Variants in EPC2 observed in about 807,000 individuals in gnomAD.
EPC2 encodes the protein enhancer of polycomb 2.
A neutral mutation model predicts 92.1 loss-of-function variants in EPC2; 14 were observed. The ratio of observed to expected loss-of-function variants is 0.15; its 90% CI spans 0.10 to 0.24. EPC2 has a LOEUF of 0.24. Among genes scored for constraint, EPC2 ranks in the 10% least tolerant of loss-of-function variants. The probability of loss-of-function intolerance (pLI) is 1.00; values close to 1 mark genes in which losing one functional copy is unlikely to be tolerated. For missense variants in EPC2, 755 were observed against 971.5 expected (o/e 0.78, Z 2.96); for synonymous variants, 340 against 334.7 (o/e 1.02, Z -0.17).
intron 1 of EPC2, among the ~76,000 whole-genome samples, chr2:148,647,843 A>G (rs953473395): frequency 5.3e-5 from 8 of 149,612 alleles, no homozygotes; most frequent in African/African-American, 1.5e-4. Flanking sequence ...GTGTTGGCCA[A>G]AATGATTTCG....
At chr2:148,743,047 C>T (rs933495524) in intron 2 of EPC2, among the ~76,000 whole-genome samples, 1 of 152,082 alleles carries the variant, frequency 6.6e-6, no homozygotes, top group African/African-American at 2.4e-5. Flanking sequence ...AGTTGCTGCC[C>T]GTGCAACATT....
chr2:148,744,432 A>G (rs2105408287), intron 3 of EPC2, among the ~76,000 whole-genome samples: 1 of 152,266 alleles, frequency 6.6e-6, no homozygotes, highest in South Asian at 2.1e-4. Context: ...GTAGACTATA[A>G]CACAGGCATT....
intron 1 of EPC2, among the ~76,000 whole-genome samples, chr2:148,660,975 T>G (rs1470212656): frequency 6.6e-6 from 1 of 152,108 alleles, no homozygotes; most frequent in African/African-American, 2.4e-5. Flanking sequence ...TCTTTTATCA[T>G]TTATTTTTAT....
At chr2:148,770,408 T>G (rs888141262) in intron 8 of EPC2, among the ~76,000 whole-genome samples, 4 of 151,928 alleles carry the variant, frequency 2.6e-5, no homozygotes, top group Admixed American at 6.6e-5. Context: ...AGTGCAATTT[T>G]TAGTCCAAAA....
chr2:148,651,887 G>C (rs1165330331), intron 1 of EPC2, among the ~76,000 whole-genome samples: 2 of 152,218 alleles, frequency 1.3e-5, no homozygotes, highest in South Asian at 2.1e-4. Flanking sequence ...TAAGTAACTC[G>C]CCTAAGATCA....
chr2:148,735,658 T>A (rs1682736032), intron 2 of EPC2, among the ~76,000 whole-genome samples: 1 of 152,018 alleles, frequency 6.6e-6, no homozygotes, highest in Non-Finnish European at 1.5e-5. Flanking sequence ...CCCAAAATTA[T>A]TTGCTCTGGG....
At position 148,727,471 on chromosome 2, in the gene EPC2, T is replaced by C. The variant is rs113987394; in HGVS notation, c.314-16151T>C. Reference sequence around the variant, plus strand: ...TCTGTTAAAAAATAAATACTCTATTTAACTTTTCAAGTTCCTTACCATGTA... The same window carrying C: ...TCTGTTAAAAAATAAATACTCTATTCAACTTTTCAAGTTCCTTACCATGTA... On this transcript the variant is annotated intron_variant, in intron 2 of 13. Coordinates refer to ENST00000258484, the MANE Select transcript of EPC2 (RefSeq NM_015630.4). 4.6e-3 allele frequency among the ~76,000 whole-genome samples: 698 copies of C among 152,372 alleles called. 4 individuals are homozygous for C. Among genetic ancestry groups the C allele is most frequent in the African/African-American group, 0.015 (639 of 41,592 alleles).
intron 3 of EPC2, among the ~76,000 whole-genome samples, chr2:148,745,466 A>T (rs868681718): frequency 6.6e-6 from 1 of 152,116 alleles, no homozygotes; most frequent in Non-Finnish European, 1.5e-5. Flanking sequence ...TCAGCGTATT[A>T]TCCAATTGGA....
Position 148,752,514 on chromosome 2 carries a change from A to C in EPC2, c.460-1413A>C, listed in dbSNP as rs551897375. On this transcript the variant is annotated intron_variant, in intron 3 of 13. Coordinates refer to ENST00000258484, the MANE Select transcript of EPC2 (RefSeq NM_015630.4). The stretch of plus-strand genomic sequence containing the variant: ...TGGTCTTATTTTCCAGACTCTGGCT[A>C]TCCACTTTAAGGACCAAATGCAGCC... Among the ~76,000 whole-genome samples the C allele has an allele frequency of 3.9e-5, 6 of 152,276 alleles. No homozygotes were observed. The South Asian group carries it at 1.2e-3, about 32-fold the overall frequency.
At chr2:148,767,141 T>G (rs1300814632) in intron 7 of EPC2, among the ~76,000 whole-genome samples, 2 of 148,776 alleles carry the variant, frequency 1.3e-5, no homozygotes, top group Admixed American at 1.4e-4. Flanking sequence ...AAGGTTGCTG[T>G]GAGCCAAGGT....
chr2:148,770,413 C>A (rs941114563), intron 8 of EPC2, among the ~76,000 whole-genome samples: 2 of 151,702 alleles, frequency 1.3e-5, no homozygotes, highest in African/African-American at 2.4e-5. Flanking sequence ...AATTTTTAGT[C>A]CAAAAAATAT....
chr2:148,697,414 C>T (rs1681770831), intron 2 of EPC2, among the ~76,000 whole-genome samples: 1 of 151,434 alleles, frequency 6.6e-6, no homozygotes, highest in Admixed American at 6.6e-5. Context: ...TCTCATTTGG[C>T]CTGGCAGAAG....
At chr2:148,699,930 G>C (rs1681838902) in intron 2 of EPC2, among the ~76,000 whole-genome samples, 1 of 152,108 alleles carries the variant, frequency 6.6e-6, no homozygotes, top group Admixed American at 6.6e-5. Context: ...CATTTTACTA[G>C]GTGTGAGATG....
chr2:148,721,890 CTTT>C, intron 2 of EPC2, among the ~76,000 whole-genome samples: 5 of 60,774 alleles, frequency 8.2e-5, no homozygotes, highest in South Asian at 8.2e-4. Flanking sequence ...GTTTTGATTT[CTTT>C]TTTTTTTTTT....
At chr2:148,681,016 C>G (rs951812620) in intron 1 of EPC2, among the ~76,000 whole-genome samples, 1 of 152,132 alleles carries the variant, frequency 6.6e-6, no homozygotes, top group Admixed American at 6.6e-5. Context: ...AAAAATGAGA[C>G]TTTATCCTGT....
intron 1 of EPC2, among the ~76,000 whole-genome samples, chr2:148,664,363 G>A (rs536115624): frequency 1.3e-5 from 2 of 152,202 alleles, no homozygotes; most frequent in African/African-American, 4.8e-5. Context: ...GCCAGGCAGG[G>A]TGCTGTGTGC....
At chr2:148,739,763 A>G (rs1274167792) in intron 2 of EPC2, among the ~76,000 whole-genome samples, 1 of 149,586 alleles carries the variant, frequency 6.7e-6, no homozygotes, top group Non-Finnish European at 1.5e-5. Context: ...TTCTTCTTCT[A>G]ATAGTAGTCA....
intron 1 of EPC2, among the ~76,000 whole-genome samples, chr2:148,666,904 C>T (rs1681067428): frequency 6.6e-6 from 1 of 151,146 alleles, no homozygotes. Context: ...GGAGGTATTT[C>T]CTTCTAAAAT....
Position 148,711,650 on chromosome 2 carries a change from T to G in EPC2, c.313+21277T>G, listed in dbSNP as rs150378627. Among the ~76,000 whole-genome samples, 177 of 152,310 alleles carry G rather than the reference T, an allele frequency of 1.2e-3. 1 individual carries two copies. Among genetic ancestry groups the G allele is most frequent in the African/African-American group, 3.4e-3 (143 of 41,572 alleles). On this transcript the variant is annotated intron_variant, in intron 2 of 13. Transcript: ENST00000258484. ...AGTATGTCCTTACTGATTTTTTGCTTGCTGTATCTGTCCATTTCTGATAGA... is the reference window on the plus strand; with the variant it reads ...AGTATGTCCTTACTGATTTTTTGCTGGCTGTATCTGTCCATTTCTGATAGA...
Sources: gnomAD v4.1 joint callset for allele counts (sites outside exome capture counted in the v4.1 genomes callset) on GRCh38, gnomAD v4.1.1 for gene constraint, MANE v1.5 for transcripts, NCBI Gene and HGNC (gene_info 2026-07-23, HGNC 2026-07-21) for gene names.